Variants in DLG2 observed in about 807,000 individuals in gnomAD.
DLG2 encodes disks large homolog 2.
In DLG2, 45 loss-of-function variants were observed where a neutral mutation model predicts 132.5. That is an observed-to-expected ratio of 0.34 (90% CI 0.27 to 0.44). The LOEUF is 0.44. Among genes scored for constraint, DLG2 ranks in the 20% least tolerant of loss-of-function variants. The pLI is 1.00. For missense variants in DLG2, 1,045 were observed against 1,196.9 expected, an observed-to-expected ratio of 0.87 and a Z score of 1.87; for synonymous variants, 424 against 419.6, an observed-to-expected ratio of 1.01 and a Z score of -0.13.
intron 6 of DLG2, among the ~76,000 whole-genome samples, chr11:84,797,403 G>A (rs2074782976): frequency 6.6e-6 from 1 of 152,106 alleles, no homozygotes; most frequent in South Asian, 2.1e-4. Context: ...TCTTAGGCAT[G>A]CTTCATTCTT....
chr11:84,087,293 C>G (rs1328819689), intron 10 of DLG2, among the ~76,000 whole-genome samples: 2 of 152,146 alleles, frequency 1.3e-5, no homozygotes, highest in African/African-American at 4.8e-5. Context: ...GGTTCTGATT[C>G]TCTACATCCT....
At chr11:84,642,006 T>TTA (rs199734251) in intron 6 of DLG2, among the ~76,000 whole-genome samples, 64 of 141,578 alleles carry the variant, frequency 4.5e-4, no homozygotes, top group South Asian at 3.5e-3. Flanking sequence ...TGGATATGTT[T>TTA]TATATATATA....
At chr11:85,276,525 G>C (rs1342894148) in intron 4 of DLG2, among the ~76,000 whole-genome samples, 2 of 152,088 alleles carry the variant, frequency 1.3e-5, no homozygotes, top group Non-Finnish European at 2.9e-5. Flanking sequence ...GTATGGAACT[G>C]TATGACATCA....
intron 6 of DLG2, among the ~76,000 whole-genome samples, chr11:84,982,733 A>C (rs1219264655): frequency 6.6e-6 from 1 of 152,172 alleles, no homozygotes; most frequent in Non-Finnish European, 1.5e-5. Context: ...ATTATATACC[A>C]AGATGAAGTG....
At chr11:84,111,138 G>A (rs10792722) in intron 9 of DLG2, among the ~76,000 whole-genome samples, 123,604 of 152,124 alleles carry the variant, frequency 0.81, 50,400 homozygotes, top group Middle Eastern at 0.89. Flanking sequence ...GCAAAATATC[G>A]AAACTTAGTT....
intron 6 of DLG2, among the ~76,000 whole-genome samples, chr11:84,729,388 T>C (rs973391672): frequency 2.0e-5 from 3 of 152,166 alleles, no homozygotes; most frequent in Non-Finnish European, 2.9e-5. Flanking sequence ...TTGTGTGGTT[T>C]TGAGTGAGTT....
intron 3 of DLG2, among the ~76,000 whole-genome samples, chr11:85,514,092 T>C (rs1273691972): frequency 6.6e-6 from 1 of 151,980 alleles, no homozygotes; most frequent in Non-Finnish European, 1.5e-5. Flanking sequence ...AAAACTCAGA[T>C]TTATTCATGT....
Position 84,447,768 on chromosome 11 carries a change from T to C in DLG2, c.519+86802A>G, listed in dbSNP as rs571964567. Among the ~76,000 whole-genome samples, 411 of 152,222 alleles carry C rather than the reference T, an allele frequency of 2.7e-3. 3 individuals carry two copies. Among genetic ancestry groups the C allele is most frequent in the African/African-American group, 9.1e-3 (378 of 41,558 alleles). ...AACTCAAATGGGTCCTAAACTTATA[T>C]AGTAGATCTGAATTAATATGCTGTG... On this transcript the variant is annotated intron_variant, in intron 7 of 27. Coordinates refer to ENST00000376104, the MANE Select transcript of DLG2 (RefSeq NM_001142699.3).
chr11:84,154,777 C>T (rs759108634), intron 9 of DLG2, among the ~76,000 whole-genome samples: 9 of 152,092 alleles, frequency 5.9e-5, no homozygotes, highest in Non-Finnish European at 1.3e-4. Flanking sequence ...CGATAGTTTA[C>T]TGAGAATGAT....
intron 18 of DLG2, among the ~76,000 whole-genome samples, chr11:83,692,408 C>A (rs2081146885): frequency 6.6e-6 from 1 of 152,096 alleles, no homozygotes; most frequent in African/African-American, 2.4e-5. Flanking sequence ...TGTAGGTATT[C>A]TGTTTATATG....
chr11:84,095,618 T>C (rs1439832707), intron 10 of DLG2, among the ~76,000 whole-genome samples: 1 of 152,178 alleles, frequency 6.6e-6, no homozygotes, highest in Non-Finnish European at 1.5e-5. Context: ...ATAATCTTAA[T>C]TATTTGAGTC....
chr11:83,882,180 TA>T (rs1421016797), intron 15 of DLG2, among the ~76,000 whole-genome samples: 2 of 152,082 alleles, frequency 1.3e-5, no homozygotes, highest in African/African-American at 4.8e-5. Context: ...TTAAAGCAAT[TA>T]AAGAACAATT....
chr11:84,099,098 T>A, intron 9 of DLG2, 51 bp from the exon 10 acceptor site: 1 of 1,549,258 alleles, frequency 6.5e-7, no homozygotes, highest in Non-Finnish European at 8.9e-7. Flanking sequence ...ACCTAAAACC[T>A]AGTTCCTCTT....
intron 7 of DLG2, among the ~76,000 whole-genome samples, chr11:84,452,929 CT>C (rs1287260117): frequency 6.6e-6 from 1 of 151,398 alleles, no homozygotes; most frequent in Admixed American, 6.6e-5. Flanking sequence ...GGATCGTATA[CT>C]CAGAAAAATA....
chr11:84,640,357 T>C, intron 6 of DLG2: 4 of 342,746 alleles, frequency 1.2e-5, no homozygotes, highest in South Asian at 1.0e-4. Context: ...AAATAAATCC[T>C]CAGGGTTTGG....
chr11:84,023,085 G>A (rs2095440414), intron 11 of DLG2, among the ~76,000 whole-genome samples: 1 of 151,968 alleles, frequency 6.6e-6, no homozygotes, highest in Non-Finnish European at 1.5e-5. Context: ...AGATACCCAT[G>A]GTCTTTGGGG....
intron 4 of DLG2, among the ~76,000 whole-genome samples, chr11:85,223,547 G>A (rs533174210): frequency 5.9e-5 from 9 of 152,214 alleles, no homozygotes; most frequent in African/African-American, 1.9e-4. Context: ...GTCTACCTGG[G>A]AGGATCACTT....
chr11:84,540,428 AG>A (rs1309820026), intron 6 of DLG2, among the ~76,000 whole-genome samples: 1 of 152,206 alleles, frequency 6.6e-6, no homozygotes, highest in Non-Finnish European at 1.5e-5. Flanking sequence ...TGCAGCCAAC[AG>A]ACACATGAAA....
chr11:85,297,341 C>T (rs1261205147), intron 3 of DLG2, among the ~76,000 whole-genome samples: 1 of 152,080 alleles, frequency 6.6e-6, no homozygotes, highest in Non-Finnish European at 1.5e-5. Flanking sequence ...TTGCAAGAAC[C>T]ATCCGATCAA....
Sources: gnomAD v4.1 joint callset for allele counts (sites outside exome capture counted in the v4.1 genomes callset) on GRCh38, gnomAD v4.1.1 for gene constraint, MANE v1.5 for transcripts, NCBI Gene and HGNC (gene_info 2026-07-23, HGNC 2026-07-21) for gene names.